Variants in BLCAP observed in about 807,000 individuals in gnomAD.
BLCAP encodes apoptosis inducing factor BLCAP.
A neutral mutation model predicts 5.7 loss-of-function variants in BLCAP; 1 was observed. That is an observed-to-expected ratio of 0.18 (90% CI 0.06 to 0.83). BLCAP has a LOEUF of 0.83. BLCAP is among the 40% of genes least tolerant of loss of function. BLCAP has a pLI of 0.71. For synonymous variants in BLCAP, 48 were observed against 49.4 expected, an observed-to-expected ratio of 0.97 and a Z score of 0.11; for missense variants, 66 against 107.6, an observed-to-expected ratio of 0.61 and a Z score of 1.71.
At chr20:37,522,662 C>T (rs1199780230) in intron 1 of BLCAP, 3 of 1,609,024 alleles carry the variant, frequency 1.9e-6, no homozygotes. Context: ...GGTTTCTCGT[C>T]GCAGGTGTTC....
At chr20:37,524,603 G>C (rs2071689034) in intron 1 of BLCAP, 1 of 152,308 alleles carries the variant, frequency 6.6e-6, no homozygotes, top group Admixed American at 6.5e-5. Flanking sequence ...GAGGGAGTTG[G>C]AGGGCCATAA....
chr20:37,520,995 C>T (rs2071548290), intron 1 of BLCAP, among the ~76,000 whole-genome samples: 1 of 152,186 alleles, frequency 6.6e-6, no homozygotes, highest in Non-Finnish European at 1.5e-5. Flanking sequence ...TCGCCCTGTA[C>T]TCTACCCAGA....
chr20:37,522,791 C>A, intron 1 of BLCAP: 1 of 1,550,176 alleles, frequency 6.5e-7, no homozygotes, highest in South Asian at 1.2e-5. Flanking sequence ...GCGGCCGTAT[C>A]ATCAGGTGCT....
At chr20:37,526,295 C>CCCCCCCG (rs2071719819) in intron 1 of BLCAP, among the ~76,000 whole-genome samples, 2 of 131,618 alleles carry the variant, frequency 1.5e-5, no homozygotes, top group Admixed American at 7.6e-5. Flanking sequence ...CCCCCACCCC[C>CCCCCCCG]CCTCAGAGAT....
At chr20:37,524,451 C>T (rs1366692021) in intron 1 of BLCAP, 1 of 152,300 alleles carries the variant, frequency 6.6e-6, no homozygotes, top group Admixed American at 6.5e-5. Flanking sequence ...TTGTCTTCCT[C>T]TCCCACTCCC....
rs1370166091 is a variant in BLCAP at position 37,521,120 on chromosome 20, G to A, written c.-176-1770C>T. 6 of 616,432 alleles carry A rather than the reference G, an allele frequency of 9.7e-6. No individual in the cohort carries two copies. Among genetic ancestry groups the A allele is most frequent in the Non-Finnish European group, 1.5e-5 (5 of 343,842 alleles). The allele number at this position is 616,432 out of a possible 1,614,324, so 38.2% of individuals were successfully genotyped here. ...GGGGTCGGTATGGAAAGAGCAGATG[G>A]ATTATTTTTTTCCTCTCCTGGCGAA... On this transcript the variant is annotated intron_variant, in intron 1 of 1. Transcript: ENST00000373537. This position sits in a 1 kb window ranked among gnomAD's most constrained non-coding sequence, Gnocchi z 4.5.
chr20:37,526,625 A>C (rs533903860), intron 1 of BLCAP: 3 of 152,232 alleles, frequency 2.0e-5, no homozygotes, highest in Non-Finnish European at 4.4e-5. Context: ...CAACAAAAAA[A>C]GACAGTCTAA....
intron 1 of BLCAP, chr20:37,523,399 T>C (rs1309080026): frequency 6.6e-6 from 1 of 152,668 alleles, no homozygotes; most frequent in Non-Finnish European, 1.5e-5. Flanking sequence ...GTCACTTGAT[T>C]TGGAACTATT....
At chr20:37,524,960 C>A (rs2071693900) in intron 1 of BLCAP, among the ~76,000 whole-genome samples, 1 of 152,168 alleles carries the variant, frequency 6.6e-6, no homozygotes. Flanking sequence ...ACTGCCATAG[C>A]AGTGGCAATC....
In BLCAP at chr20:37,521,208, G is replaced by C; in HGVS notation, c.-176-1858C>G. On this transcript the variant is annotated intron_variant, in intron 1 of 1. Transcript: ENST00000373537. The surrounding 1 kb of genome is among the most constrained non-coding windows in gnomAD (Gnocchi z 4.5). ...CCCCAAGGCGCGCATGCGCACTTAG[G>C]TGGCGGGCGGGTACTTAAGGCGCGG... is the stretch of plus-strand genomic sequence containing the variant. 1.1e-6 allele frequency: 1 copy of C among 950,610 alleles called. No homozygotes were observed. The highest frequency in any genetic ancestry group is 1.7e-6 in the Non-Finnish European group (1 of 591,082). The allele number at this position is 950,610 out of a possible 1,614,324, so 58.9% of individuals were successfully genotyped here.
At position 37,518,697 on chromosome 20, in the gene BLCAP, C is replaced by A. The variant is rs1240884888; in HGVS notation, c.*214G>T. 2.9e-6 allele frequency: 2 copies of A among 692,522 alleles called. No homozygotes were observed. The highest frequency in any genetic ancestry group is 4.7e-6 in the Non-Finnish European group (2 of 428,250). 42.9% of individuals were successfully genotyped at this position (692,522 alleles called of 1,614,324 possible). A position where few individuals can be genotyped will look rare whatever the true frequency, so the allele number is the denominator to read the frequency against. ...TAGATGGGGACAGAACACACACAACCACAAGACCACCCACGACTATAGGAC... is the reference window on the plus strand; with the variant it reads ...TAGATGGGGACAGAACACACACAACAACAAGACCACCCACGACTATAGGAC... On this transcript the variant is annotated 3_prime_UTR_variant, in exon 2 of 2. Coordinates refer to ENST00000373537, the MANE Select transcript of BLCAP (RefSeq NM_006698.4).
At chr20:37,519,587 G>A (rs951062509) in intron 1 of BLCAP, among the ~76,000 whole-genome samples, 1 of 152,206 alleles carries the variant, frequency 6.6e-6, no homozygotes, top group African/African-American at 2.4e-5. Flanking sequence ...GTCTCCCCGG[G>A]GCTTCTCCTG....
Position 37,519,251 on chromosome 20 carries a change from G to A in BLCAP, c.-77C>T. 1.4e-6 allele frequency: 2 copies of A among 1,466,294 alleles called. No individual in the cohort carries two copies. Among genetic ancestry groups the A allele is most frequent in the Non-Finnish European group, 1.8e-6 (2 of 1,098,738 alleles). 90.8% of individuals were successfully genotyped at this position (1,466,294 alleles called of 1,614,324 possible). A position where few individuals can be genotyped will look rare whatever the true frequency, so the allele number is the denominator to read the frequency against. On this transcript the variant is annotated 5_prime_UTR_variant, in exon 2 of 2. Coordinates refer to ENST00000373537, the MANE Select transcript of BLCAP (RefSeq NM_006698.4). Reference sequence around the variant, plus strand: ...ACCGACCTAATGGGAGCCAGCGGGCGCAGGCGGCTGCCCTCCGCTTTCTTC... The same window carrying A: ...ACCGACCTAATGGGAGCCAGCGGGCACAGGCGGCTGCCCTCCGCTTTCTTC...
intron 1 of BLCAP, among the ~76,000 whole-genome samples, chr20:37,526,295 C>CCCCCCCCCCCCCCCCCCCG (rs2071719819): frequency 7.6e-6 from 1 of 131,618 alleles, no homozygotes; most frequent in Non-Finnish European, 1.6e-5. Flanking sequence ...CCCCCACCCC[C>CCCCCCCCCCCCCCCCCCCG]CCTCAGAGAT....
intron 1 of BLCAP, among the ~76,000 whole-genome samples, chr20:37,525,138 T>A (rs963109963): frequency 6.6e-6 from 1 of 152,188 alleles, no homozygotes; most frequent in Admixed American, 6.5e-5. Flanking sequence ...ACCCCATATC[T>A]TGGCAGGCCT....
chr20:37,522,804 T>G (rs1488408417), intron 1 of BLCAP: 1 of 1,514,434 alleles, frequency 6.6e-7, no homozygotes, highest in East Asian at 2.4e-5. Context: ...CAGGTGCTCC[T>G]GTGCATCTCG....
rs757685375 is a variant in BLCAP at position 37,521,389 on chromosome 20, C to T, written c.-176-2039G>A. 6.2e-7 allele frequency: 1 copy of T among 1,614,144 alleles called. No individual in the cohort carries two copies. Among genetic ancestry groups the T allele is most frequent in the Non-Finnish European group, 8.5e-7 (1 of 1,179,974 alleles). On this transcript the variant is annotated intron_variant, in intron 1 of 1. Coordinates refer to ENST00000373537, the MANE Select transcript of BLCAP (RefSeq NM_006698.4). This position sits in a 1 kb window ranked among gnomAD's most constrained non-coding sequence, Gnocchi z 4.5. ...GCTCATCATCGGCTGGTACATCTTC[C>T]GCGTGCTGCTGCAGGTAAGTCTGAC...
In BLCAP at chr20:37,519,264, C is replaced by G; in HGVS notation, c.-90G>C. On this transcript the variant is annotated 5_prime_UTR_variant, in exon 2 of 2. Coordinates refer to ENST00000373537, the MANE Select transcript of BLCAP (RefSeq NM_006698.4). The stretch of plus-strand genomic sequence containing the variant: ...GAGCCAGCGGGCGCAGGCGGCTGCC[C>G]TCCGCTTTCTTCAACCCTCACTCTC... 2.1e-6 allele frequency: 3 copies of G among 1,434,354 alleles called. No homozygotes were observed. The highest frequency in any genetic ancestry group is 2.8e-6 in the Non-Finnish European group (3 of 1,075,416). 88.9% of individuals were successfully genotyped at this position (1,434,354 alleles called of 1,614,324 possible).
chr20:37,526,280 C>T (rs757813290), intron 1 of BLCAP, among the ~76,000 whole-genome samples: 1 of 106,992 alleles, frequency 9.3e-6, no homozygotes, highest in Non-Finnish European at 2.1e-5. Flanking sequence ...TTCCCCCCCC[C>T]ACCGCCCCCA....
Sources: allele counts gnomAD v4.1 joint callset (sites outside exome capture counted in the v4.1 genomes callset), GRCh38; gene constraint gnomAD v4.1.1; non-coding constraint Gnocchi (gnomAD v3.1); transcripts MANE v1.5; gene names NCBI Gene and HGNC (gene_info 2026-07-23, HGNC 2026-07-21).